Variants in SAGE1 observed in about 807,000 individuals in gnomAD.
SAGE1 encodes cancer/testis antigen 14.
Under a neutral mutation model 55.4 loss-of-function variants are expected in SAGE1, and 55 were observed. That is an observed-to-expected ratio of 0.99 (90% CI 0.80 to 1.24). The LOEUF is 1.24. SAGE1 is among the 50% of genes most tolerant of loss of function. The pLI is 0.00. For synonymous variants in SAGE1, 240 were observed against 244.3 expected (o/e 0.98, Z 0.17); for missense variants, 710 against 704.4 (o/e 1.01, Z -0.09).
At chrX:135,897,242 T>C (rs781893481) in intron 2 of SAGE1, among the ~76,000 whole-genome samples, 1 of 112,318 alleles carries the variant, frequency 8.9e-6, no homozygotes, top group African/African-American at 3.2e-5. Context: ...TGAGAGAGAC[T>C]TACTAACTTC....
intron 1 of SAGE1, among the ~76,000 whole-genome samples, chrX:135,894,546 T>G (rs1454928955): frequency 2.7e-5 from 3 of 111,771 alleles, no homozygotes; most frequent in Non-Finnish European, 5.6e-5. Context: ...CCTTTCTATT[T>G]TTCTTGGTCA....
chrX:135,912,376 G>A lies in SAGE1; in HGVS notation c.2577G>A (p.Lys859=). ...AGGTACAAGGATCTATGAAAGTCAA[G>A]AGACAATTTGTTGAATTTACCATCA... ...LEEVQGSMKV[K]RQFVEFTIKE... is the part of the protein sequence containing the mutation. Residue 859 remains lysine, a synonymous_variant, in exon 19 of 20, where the codon AAG becomes AAA. Transcript: ENST00000370709. 1 of 1,206,439 alleles carries A rather than the reference G, an allele frequency of 8.3e-7. No individual in the cohort carries two copies. Among genetic ancestry groups the A allele is most frequent in the South Asian group, 1.8e-5 (1 of 55,727 alleles).
chrX:135,903,185 G>A (rs1556597975), intron 3 of SAGE1, among the ~76,000 whole-genome samples: 1 of 111,597 alleles, frequency 9.0e-6, no homozygotes, highest in East Asian at 2.8e-4. Context: ...CCTACCCTTG[G>A]CCTCACTGCA....
intron 7 of SAGE1, 118 bp from the exon 8 acceptor site, chrX:135,906,808 C>T: frequency 1.0e-6 from 1 of 964,818 alleles, no homozygotes; most frequent in South Asian, 2.5e-5. Context: ...GTATGGCAAC[C>T]TGGTATATCC....
chrX:135,895,953 G>C (rs782759130), intron 1 of SAGE1, among the ~76,000 whole-genome samples: 1 of 111,254 alleles, frequency 9.0e-6, no homozygotes, highest in African/African-American at 3.3e-5. Flanking sequence ...TAAGGGACTT[G>C]TTTAACCTAA....
rs1556606337 is a variant in SAGE1, at chrX:135,911,269, G to A, written c.2083G>A (p.Val695Ile). The A allele has an allele frequency of 1.7e-6, 2 of 1,206,426 alleles. No homozygotes were observed. Among genetic ancestry groups the A allele is most frequent in the African/African-American group, 3.5e-5 (2 of 56,883 alleles). ...GGCACCTGATAACTCCTTGTCAACG[G>A]TTCCACCTGGTTGTATTAATCTGTC... ...QQAPDNSLST[V>I]PPGCINLSGA... The change falls in exon 17 of 20, where the codon GTT (valine) becomes ATT (isoleucine). Residue 695 changes from valine (V) to isoleucine (I), a missense_variant. Coordinates refer to ENST00000370709, the MANE Select transcript of SAGE1 (RefSeq NM_001381902.1).
intron 6 of SAGE1, 43 bp from the exon 7 acceptor site, chrX:135,906,368 A>T (rs1556601038): frequency 1.7e-6 from 2 of 1,189,497 alleles, no homozygotes; most frequent in African/African-American, 3.5e-5. Context: ...GAGTTGGCAT[A>T]ATGCACTTAC....
chrX:135,905,945 CTG>C, intron 5 of SAGE1, 77 bp from the exon 6 acceptor site: 1 of 841,147 alleles, frequency 1.2e-6, no homozygotes, highest in Non-Finnish European at 1.7e-6. Flanking sequence ...TTCCTAGAAA[CTG>C]AGCATCAGAG....
chrX:135,899,684 A>C (rs1244981514), intron 2 of SAGE1, among the ~76,000 whole-genome samples: 1 of 111,133 alleles, frequency 9.0e-6, no homozygotes, highest in Non-Finnish European at 1.9e-5. Context: ...AGTGGTTTGT[A>C]GTTCTCTCTG....
At chrX:135,898,325 A>G (rs1367077358) in intron 2 of SAGE1, among the ~76,000 whole-genome samples, 1 of 112,239 alleles carries the variant, frequency 8.9e-6, no homozygotes, top group Non-Finnish European at 1.9e-5. Flanking sequence ...GGCCGATCTC[A>G]TTCCTTTTTA....
chrX:135,897,631 G>C (rs1175847628), intron 2 of SAGE1, among the ~76,000 whole-genome samples: 2 of 111,728 alleles, frequency 1.8e-5, no homozygotes, highest in Non-Finnish European at 3.8e-5. Flanking sequence ...CATTAAATAT[G>C]CTCCTGCATA....
chrX:135,912,353 G>A lies in SAGE1; in HGVS notation c.2554G>A (p.Val852Ile). The A allele has an allele frequency of 1.7e-6, 2 of 1,201,326 alleles. No individual in the cohort carries two copies. Among genetic ancestry groups the A allele is most frequent in the Non-Finnish European group, 2.2e-6 (2 of 892,075 alleles). The stretch of plus-strand genomic sequence containing the variant: ...AAGAATTTTCATTTTGCTTGAAGAG[G>A]TACAAGGATCTATGAAAGTCAAGAG... ...YERIFILLEE[V>I]QGSMKVKRQF... The change falls in exon 19 of 20, where the codon GTA becomes ATA. Residue 852 changes from valine to isoleucine, a missense_variant. Physicochemically the swap from Val to Ile is conservative, Grantham distance 29. Coordinates refer to ENST00000370709, the MANE Select transcript of SAGE1 (RefSeq NM_001381902.1).
chrX:135,911,134 C>G (rs1360000560), intron 16 of SAGE1, 58 bp from the exon 17 acceptor site: 5 of 1,154,376 alleles, frequency 4.3e-6, no homozygotes, highest in Non-Finnish European at 5.9e-6. Flanking sequence ...CAGGATATCC[C>G]TGTGGGGTTG....
At chrX:135,910,637 T>C in intron 16 of SAGE1, 82 bp downstream of exon 16, 1 of 935,045 alleles carries the variant, frequency 1.1e-6, no homozygotes, top group Non-Finnish European at 1.5e-6. Flanking sequence ...GGTAATTTTG[T>C]TGTATATTCT....
intron 7 of SAGE1, 99 bp downstream of exon 7, chrX:135,906,650 G>A (rs782286333): frequency 1.2e-5 from 13 of 1,047,296 alleles, no homozygotes; most frequent in Non-Finnish European, 1.7e-5. Flanking sequence ...GTCGTTCCTG[G>A]TATTTCACCC....
At position 135,907,988 on chromosome X, in the gene SAGE1, T is replaced by C. The variant is rs1411191633; in HGVS notation, c.1160-101T>C. 14 of 1,083,977 alleles carry C rather than the reference T, an allele frequency of 1.3e-5. No individual in the cohort carries two copies. In the East Asian group the frequency reaches 3.9e-4, roughly 30 times the overall value. The allele number at this position is 1,083,977 out of a possible 1,213,427, so 89.3% of individuals were successfully genotyped here. A position where few individuals can be genotyped will look rare whatever the true frequency, so the allele number is the denominator to read the frequency against. On this transcript the variant is annotated intron_variant, in intron 10 of 19. Coordinates refer to ENST00000370709, the MANE Select transcript of SAGE1 (RefSeq NM_001381902.1). ...TGCTCCCTGGTATATCCTAGTTCCT[T>C]AGGAGATAAATTCCTAGATAGTGAG...
At chrX:135,902,505 C>G (rs1556597477) in intron 3 of SAGE1, among the ~76,000 whole-genome samples, 2 of 112,353 alleles carry the variant, frequency 1.8e-5, no homozygotes, top group Non-Finnish European at 3.8e-5. Context: ...TAACAACCAG[C>G]TGTTCACAGG....
At chrX:135,900,279 A>G (rs2088651731) in intron 2 of SAGE1, among the ~76,000 whole-genome samples, 1 of 111,805 alleles carries the variant, frequency 8.9e-6, no homozygotes, top group African/African-American at 3.3e-5. Flanking sequence ...AGTTCTGTTT[A>G]TGTGATGAAT....
At chrX:135,907,125 A>C (rs2088810458) in intron 8 of SAGE1, 59 bp downstream of exon 8, 1 of 1,132,570 alleles carries the variant, frequency 8.8e-7, no homozygotes, top group Admixed American at 2.4e-5. Flanking sequence ...GCATATTGTC[A>C]TGAAGGGGAG....
Sources: gnomAD v4.1 joint callset for allele counts (sites outside exome capture counted in the v4.1 genomes callset) on GRCh38, gnomAD v4.1.1 for gene constraint, MANE v1.5 for transcripts, NCBI Gene and HGNC (gene_info 2026-07-23, HGNC 2026-07-21) for gene names.